Variants in PWP1 observed in about 807,000 individuals in gnomAD.
PWP1 encodes periodic tryptophan protein 1 homolog.
Under a neutral mutation model 69.9 loss-of-function variants are expected in PWP1, and 47 were observed. The ratio of observed to expected loss-of-function variants is 0.67; its 90% confidence interval spans 0.53 to 0.86. The LOEUF is 0.86. Among genes scored for constraint, PWP1 ranks in the 40% least tolerant of loss-of-function variants. The pLI is 0.00. For synonymous variants in PWP1, 222 were observed against 208.2 expected (o/e 1.07, Z -0.57); for missense variants, 551 against 608.8 (o/e 0.91, Z 1.00).
intron 5 of PWP1, 68 bp downstream of exon 5, chr12:107,693,164 A>G (rs983040721): frequency 6.6e-7 from 1 of 1,526,222 alleles, no homozygotes; most frequent in African/African-American, 1.4e-5. Flanking sequence ...AATAGTTACC[A>G]TTTCATTTTT....
intron 13 of PWP1, 23 bp downstream of exon 13, chr12:107,709,255 G>A: frequency 1.9e-6 from 3 of 1,606,332 alleles, no homozygotes; most frequent in Non-Finnish European, 2.6e-6. Context: ...CTGGGTATCT[G>A]TTTTTTATTT....
rs148947517 is a variant in PWP1 at position 107,697,503 on chromosome 12, T to C, written c.650T>C (p.Ile217Thr). The C allele has an allele frequency of 3.7e-6, 6 of 1,603,754 alleles. No homozygotes were observed. The highest frequency in any genetic ancestry group is 3.5e-5 in the Admixed American group (2 of 57,416). The change falls in exon 7 of 15, where the codon ATT becomes ACT. Residue 217 changes from isoleucine to threonine, a missense_variant. Physicochemically the swap from Ile to Thr is moderately conservative, Grantham distance 89. Transcript: ENST00000412830. ...YIAVGNMTPV[I>T]EVWDLDIVDS... Reference sequence around the variant, plus strand: ...GCTGTAGGAAACATGACCCCTGTTATTGAAGTGTGGGACCTTGATATAGTG... The same window carrying C: ...GCTGTAGGAAACATGACCCCTGTTACTGAAGTGTGGGACCTTGATATAGTG...
Position 107,712,446 on chromosome 12 carries a change from T to C in PWP1, c.*226T>C, listed in dbSNP as rs1323688030. On this transcript the variant is annotated 3_prime_UTR_variant, in exon 15 of 15. Coordinates refer to ENST00000412830, the MANE Select transcript of PWP1 (RefSeq NM_007062.3). The stretch of plus-strand genomic sequence containing the variant: ...TGTTGCATTTCTTAAAAAAGAGTAA[T>C]AAAAAGGATTTTTAAAAAGTAATTC... 2.9e-5 allele frequency: 11 copies of C among 382,642 alleles called. No individual in the cohort carries two copies. Among genetic ancestry groups the C allele is most frequent in the Non-Finnish European group, 5.2e-5 (11 of 213,370 alleles). The allele number at this position is 382,642 out of a possible 1,614,324, so 23.7% of individuals were successfully genotyped here.
At chr12:107,688,378 C>A in intron 1 of PWP1, 70 bp from the exon 2 acceptor site, 2 of 1,414,640 alleles carry the variant, frequency 1.4e-6, no homozygotes, top group Non-Finnish European at 1.9e-6. Context: ...TGTTTGCAAA[C>A]TACTTTTTAA....
Position 107,697,545 on chromosome 12 carries a change from T to C in PWP1, c.692T>C (p.Val231Ala). ...DLDIVDSLEP[V>A]FTLGSKLSKK... Reference sequence around the variant, plus strand: ...GATATAGTGGACTCTTTAGAGCCAGTCTTCACACTCGGAAGTAAACTTTCA... The same window carrying C: ...GATATAGTGGACTCTTTAGAGCCAGCCTTCACACTCGGAAGTAAACTTTCA... The change falls in exon 7 of 15, where the codon GTC (valine) becomes GCC (alanine). Residue 231 changes from valine (V) to alanine (A), a missense_variant. Transcript: ENST00000412830. 2 of 1,609,728 alleles carry C rather than the reference T, an allele frequency of 1.2e-6. No homozygotes were observed. Among genetic ancestry groups the C allele is most frequent in the Non-Finnish European group, 1.7e-6 (2 of 1,178,482 alleles).
intron 8 of PWP1, among the ~76,000 whole-genome samples, chr12:107,702,669 G>A (rs568853261): frequency 1.3e-5 from 2 of 152,274 alleles, no homozygotes; most frequent in African/African-American, 4.8e-5. Context: ...TCAGTTTATA[G>A]CTCCATCTGT....
At chr12:107,700,273 C>CCAT (rs1889680692) in intron 8 of PWP1, among the ~76,000 whole-genome samples, 1 of 152,148 alleles carries the variant, frequency 6.6e-6, no homozygotes, top group Non-Finnish European at 1.5e-5. Flanking sequence ...AGTTGTGCAA[C>CCAT]CATCACCACA....
In PWP1 at chr12:107,704,643, G is replaced by T. The variant is rs773021019; in HGVS notation, c.973G>T (p.Ala325Ser). Reference sequence around the variant, plus strand: ...TTGCCTGAATGTGTCTAGGTCAGTGGCTTTGTATGACTGCCGAAGTCCAGA... The same window carrying T: ...TTGCCTGAATGTGTCTAGGTCAGTGTCTTTGTATGACTGCCGAAGTCCAGA... ...LISGSYDKSV[A>S]LYDCRSPDES... Residue 325 changes from alanine to serine, a missense_variant, in exon 11 of 15, where the codon GCT (alanine) becomes TCT (serine). Transcript: ENST00000412830. The T allele has an allele frequency of 3.7e-6, 6 of 1,613,842 alleles. No individual in the cohort carries two copies. In the South Asian group the frequency reaches 5.5e-5, roughly 15 times the overall value.
chr12:107,695,936 C>A (rs1464546610), intron 5 of PWP1, among the ~76,000 whole-genome samples: 1 of 151,488 alleles, frequency 6.6e-6, no homozygotes, highest in East Asian at 1.9e-4. Flanking sequence ...GGTGGACTAT[C>A]AGATGTCAGT....
chr12:107,687,629 G>A lies in PWP1; in HGVS notation c.73-819G>A, dbSNP rs116950789. ...GAGAGAAATTGGACAAGCCAGTTGC[G>A]GTGGCTCGTGCCTGTAATCCTAGTC... On this transcript the variant is annotated intron_variant, in intron 1 of 14. Transcript: ENST00000412830. Among the ~76,000 whole-genome samples the A allele has an allele frequency of 1.4e-3, 218 of 152,300 alleles. 7 individuals are homozygous for A. In the East Asian group the frequency reaches 0.031, roughly 22 times the overall value.
At chr12:107,704,887 GTT>G in intron 11 of PWP1, 140 bp downstream of exon 11, 1 of 580,034 alleles carries the variant, frequency 1.7e-6, no homozygotes, top group Non-Finnish European at 2.9e-6. Context: ...AGCATAAGGT[GTT>G]TTTTTTTAAA....
At chr12:107,689,711 A>C (rs1889444326) in intron 3 of PWP1, among the ~76,000 whole-genome samples, 4 of 152,150 alleles carry the variant, frequency 2.6e-5, no homozygotes, top group South Asian at 2.1e-4. Context: ...GTGCCACTGC[A>C]CTCCAGCCTG....
At chr12:107,692,352 A>G (rs548733657) in intron 3 of PWP1, among the ~76,000 whole-genome samples, 1 of 152,372 alleles carries the variant, frequency 6.6e-6, no homozygotes, top group Middle Eastern at 3.4e-3. Flanking sequence ...GAACACGTGC[A>G]GTAGAGCAAC....
At chr12:107,697,155 GGGA>G (rs1889605573) in intron 6 of PWP1, among the ~76,000 whole-genome samples, 3 of 152,036 alleles carry the variant, frequency 2.0e-5, no homozygotes. Context: ...GAAGGAGGAC[GGGA>G]GGAGGGTTAT....
At chr12:107,699,256 CTCAAA>C (rs1456734093) in intron 7 of PWP1, 112 bp from the exon 8 acceptor site, 10 of 828,246 alleles carry the variant, frequency 1.2e-5, no homozygotes, top group African/African-American at 1.7e-5. Flanking sequence ...AAGACTCCGT[CTCAAA>C]ACAAAACAAA....
chr12:107,704,710 G>A lies in PWP1; in HGVS notation c.1040G>A (p.Arg347Lys), dbSNP rs1287425392. 3.1e-6 allele frequency: 5 copies of A among 1,613,884 alleles called. No homozygotes were observed. The highest frequency in any genetic ancestry group is 4.2e-6 in the Non-Finnish European group (5 of 1,179,920). ...RMWRFSGQIE[R>K]VTWNHFSPCH... Reference sequence around the variant, plus strand: ...TGGCGATTCAGTGGGCAGATAGAGAGAGTGACTTGGAATCACTTTTCACCT... The same window carrying A: ...TGGCGATTCAGTGGGCAGATAGAGAAAGTGACTTGGAATCACTTTTCACCT... Residue 347 changes from arginine to lysine, a missense_variant, in exon 11 of 15, where the codon AGA becomes AAA. Arg to Lys is a conservative substitution (Grantham distance 26, BLOSUM62 2). Coordinates refer to ENST00000412830, the MANE Select transcript of PWP1 (RefSeq NM_007062.3).
chr12:107,712,290 C>CATG lies in PWP1; in HGVS notation c.*70_*71insATG. The CATG allele has an allele frequency of 8.5e-7, 1 of 1,173,174 alleles. No individual in the cohort carries two copies. Among genetic ancestry groups the CATG allele is most frequent in the Non-Finnish European group, 1.3e-6 (1 of 785,762 alleles). The allele number at this position is 1,173,174 out of a possible 1,614,324, so 72.7% of individuals were successfully genotyped here. On this transcript the variant is annotated 3_prime_UTR_variant, in exon 15 of 15. Coordinates refer to ENST00000412830, the MANE Select transcript of PWP1 (RefSeq NM_007062.3). ...AAAGTTGGCCTAAAAATGTTCCATG[C>CATG]GTGGCAGCAACCATGCAGAGTGACT...
intron 14 of PWP1, 63 bp downstream of exon 14, chr12:107,710,573 A>AAG: frequency 7.0e-7 from 1 of 1,435,252 alleles, no homozygotes; most frequent in Non-Finnish European, 9.3e-7. Context: ...AAAAAAAAAA[A>AAG]GACAGGGTCT....
chr12:107,703,822 C>T (rs1889761430), intron 10 of PWP1, 76 bp downstream of exon 10: 1 of 1,397,204 alleles, frequency 7.2e-7, no homozygotes, highest in South Asian at 1.2e-5. Flanking sequence ...TCACTTGGTA[C>T]CCAGGCAGAA....
Sources: gnomAD v4.1 joint callset for allele counts (sites outside exome capture counted in the v4.1 genomes callset) on GRCh38, gnomAD v4.1.1 for gene constraint, MANE v1.5 for transcripts, NCBI Gene and HGNC (gene_info 2026-07-23, HGNC 2026-07-21) for gene names.